PRTG: variants seen among roughly 807,000 people sequenced by gnomAD.
PRTG encodes immunoglobulin superfamily, DCC subclass, member 5.
A neutral mutation model predicts 122.5 loss-of-function variants in PRTG; 67 were observed. The observed-to-expected ratio is 0.55, with a 90% confidence interval of 0.45 to 0.67. PRTG has a LOEUF of 0.67. Among genes scored for constraint, PRTG ranks in the 30% least tolerant of loss-of-function variants. PRTG has a pLI of 0.00. For synonymous variants in PRTG, 554 were observed against 501.1 expected (o/e 1.11, Z -1.41); for missense variants, 1,435 against 1,415.4 (o/e 1.01, Z -0.22).
chr15:55,637,140 T>G (rs77282637), intron 15 of PRTG, 30 bp downstream of exon 15: 1 of 1,422,124 alleles, frequency 7.0e-7, no homozygotes, highest in East Asian at 2.5e-5. Flanking sequence ...ATCGTACTTT[T>G]CACCCTTCAT....
intron 11 of PRTG, among the ~76,000 whole-genome samples, chr15:55,642,743 C>T (rs573026119): frequency 4.5e-4 from 69 of 151,878 alleles, no homozygotes; most frequent in Middle Eastern, 6.8e-3. Flanking sequence ...TGGAAAACGA[C>T]GTGAAATTAA....
At chr15:55,683,751 C>A in intron 3 of PRTG, 36 bp downstream of exon 3, 1 of 1,577,308 alleles carries the variant, frequency 6.3e-7, no homozygotes. Flanking sequence ...CTTCATTACT[C>A]CCATATCATC....
At chr15:55,643,719 A>C (rs2059305284) in intron 11 of PRTG, among the ~76,000 whole-genome samples, 1 of 151,646 alleles carries the variant, frequency 6.6e-6, no homozygotes, top group Admixed American at 6.6e-5. Context: ...CCACTGCAGC[A>C]GGCCTTCAAA....
chr15:55,717,015 A>G (rs1465295285), intron 2 of PRTG, among the ~76,000 whole-genome samples: 2 of 152,238 alleles, frequency 1.3e-5, no homozygotes, highest in African/African-American at 4.8e-5. Context: ...GCTTTACTCA[A>G]TATGAAACCA....
intron 11 of PRTG, among the ~76,000 whole-genome samples, chr15:55,644,417 C>A (rs2059309234): frequency 6.6e-6 from 1 of 152,158 alleles, no homozygotes; most frequent in Admixed American, 6.5e-5. Flanking sequence ...TGAATACATT[C>A]CTGGAATGGT....
intron 2 of PRTG, among the ~76,000 whole-genome samples, chr15:55,705,935 C>T (rs2030090528): frequency 6.7e-6 from 1 of 150,132 alleles, no homozygotes; most frequent in Non-Finnish European, 1.5e-5. Flanking sequence ...GCAACCTCCA[C>T]CTCCTGGGTT....
intron 15 of PRTG, among the ~76,000 whole-genome samples, chr15:55,629,299 C>T (rs2059212382): frequency 1.3e-5 from 2 of 150,204 alleles, no homozygotes; most frequent in South Asian, 4.2e-4. Flanking sequence ...CCAATATAAT[C>T]CTTTTCTGTA....
Position 55,740,536 on chromosome 15 carries a change from T to C in PRTG, c.243A>G (p.Glu81=). 6.2e-7 allele frequency: 1 copy of C among 1,614,204 alleles called. No homozygotes were observed. The highest frequency in any genetic ancestry group is 8.5e-7 in the Non-Finnish European group (1 of 1,180,040). Residue 81 remains glutamate (E), a synonymous_variant, in exon 2 of 20, where the codon GAA becomes GAG. Coordinates refer to ENST00000389286, the MANE Select transcript of PRTG (RefSeq NM_173814.6). Reference sequence around the variant, plus strand: ...TAGAAAGAACCTCGATCCGTTTATTTTCAGACATTTTTGCTCCATTTTTCA... The same window carrying C: ...TAGAAAGAACCTCGATCCGTTTATTCTCAGACATTTTTGCTCCATTTTTCA... The part of the protein sequence containing the change: ...TWLKNGAKMS[E]NKRIEVLSNG...
intron 11 of PRTG, among the ~76,000 whole-genome samples, chr15:55,671,113 C>G (rs981883254): frequency 6.6e-6 from 1 of 152,188 alleles, no homozygotes; most frequent in African/African-American, 2.4e-5. Context: ...GGATGAAGTT[C>G]TGTGTCCCTG....
At chr15:55,714,652 AG>A (rs1287745648) in intron 2 of PRTG, among the ~76,000 whole-genome samples, 3 of 152,144 alleles carry the variant, frequency 2.0e-5, no homozygotes, top group Non-Finnish European at 4.4e-5. Flanking sequence ...TAATTATTTC[AG>A]GTGTCATAAT....
intron 7 of PRTG, among the ~76,000 whole-genome samples, chr15:55,678,887 CATT>C (rs2059520085): frequency 6.6e-6 from 1 of 152,086 alleles, no homozygotes; most frequent in African/African-American, 2.4e-5. Context: ...TTATTAAAAT[CATT>C]AACTATAGAG....
At chr15:55,661,061 G>GA (rs2141771625) in intron 11 of PRTG, among the ~76,000 whole-genome samples, 1 of 152,222 alleles carries the variant, frequency 6.6e-6, no homozygotes, top group South Asian at 2.1e-4. Context: ...AGTGATAGGG[G>GA]ATTCCACTTT....
At chr15:55,644,480 A>T (rs574597057) in intron 11 of PRTG, among the ~76,000 whole-genome samples, 328 of 152,228 alleles carry the variant, frequency 2.2e-3, no homozygotes, top group African/African-American at 7.6e-3. Flanking sequence ...CTTCCTTTTT[A>T]AAAAAATAAA....
chr15:55,629,154 T>G (rs993621661), intron 15 of PRTG, 150 bp from the exon 16 acceptor site: 4 of 530,122 alleles, frequency 7.5e-6, no homozygotes, highest in African/African-American at 5.7e-5. Flanking sequence ...AAAATATAAA[T>G]AAAATTACAA....
In PRTG at chr15:55,620,272, CA is replaced by C. The variant is rs746342396; in HGVS notation, c.3199-7del. On this transcript the variant is annotated splice_region_variant and splice_polypyrimidine_tract_variant and intron_variant, in intron 19 of 19. Coordinates refer to ENST00000389286, the MANE Select transcript of PRTG (RefSeq NM_173814.6). ...GGAGTAAATCTTCTTTGAGGCTAGG[CA>C]AAAAAAGATAAGATGGCAATGAGAT... The C allele has an allele frequency of 1.1e-5, 17 of 1,605,104 alleles. No homozygotes were observed. The highest frequency in any genetic ancestry group is 1.4e-5 in the Non-Finnish European group (16 of 1,177,326).
At chr15:55,676,132 T>G (rs1567094661) in intron 8 of PRTG, among the ~76,000 whole-genome samples, 2 of 152,072 alleles carry the variant, frequency 1.3e-5, no homozygotes, top group African/African-American at 4.8e-5. Flanking sequence ...AAACCAGAAG[T>G]TGTCCTGCGA....
chr15:55,656,449 C>G, intron 11 of PRTG: 1 of 415,566 alleles, frequency 2.4e-6, no homozygotes, highest in Non-Finnish European at 4.7e-6. Flanking sequence ...AATCTATAAT[C>G]TGTTAGGTTG....
chr15:55,679,756 A>C (rs2059526642), intron 6 of PRTG: 1 of 427,482 alleles, frequency 2.3e-6, no homozygotes, highest in Non-Finnish European at 4.1e-6. Context: ...TAATCAAGAG[A>C]TTAAATTTTT....
At chr15:55,730,717 A>G (rs1196356152) in intron 2 of PRTG, among the ~76,000 whole-genome samples, 5 of 151,980 alleles carry the variant, frequency 3.3e-5, no homozygotes, top group East Asian at 3.9e-4. Context: ...GGAGAATGGC[A>G]TGCACCCGGG....
Sources: gnomAD v4.1 joint callset for allele counts (sites outside exome capture counted in the v4.1 genomes callset) on GRCh38, gnomAD v4.1.1 for gene constraint, MANE v1.5 for transcripts, NCBI Gene and HGNC (gene_info 2026-07-23, HGNC 2026-07-21) for gene names.